Variants in NEBL observed in about 807,000 individuals in gnomAD.
NEBL encodes the protein LIM and SH3 protein 2.
In NEBL, 122 loss-of-function variants were observed where a neutral mutation model predicts 140.2. That is an observed-to-expected ratio of 0.87 (90% CI 0.75 to 1.01). NEBL has a LOEUF of 1.01. Ranked by LOEUF, NEBL falls within the 50% of genes least tolerant of loss-of-function variation. The pLI, the probability that NEBL is intolerant of heterozygous loss-of-function variation, is 0.00. For missense variants in NEBL, 1,365 were observed against 1,231.3 expected (o/e 1.11, Z -1.62); for synonymous variants, 436 against 398.9 (o/e 1.09, Z -1.11).
Position 20,813,968 on chromosome 10 carries a change from C to T in NEBL, c.2317G>A (p.Val773Ile), listed in dbSNP as rs1329973369. The T allele has an allele frequency of 2.5e-6, 4 of 1,607,510 alleles. No individual in the cohort carries two copies. Among genetic ancestry groups the T allele is most frequent in the South Asian group, 1.1e-5 (1 of 90,920 alleles). Residue 773 changes from valine (V) to isoleucine (I), a missense_variant, in exon 23 of 28, where the codon GTT becomes ATT. Val to Ile is a conservative substitution (Grantham distance 29, BLOSUM62 3). Coordinates refer to ENST00000377122, the MANE Select transcript of NEBL (RefSeq NM_006393.3). ...LILDTPAMRH[V>I]KEAQNHISMV... is the part of the protein sequence containing the mutation. ...GAAATATGATTTTGTGCTTCTTTAACATGTCTCATAGCAGGTGTATCTAAA... is the reference window on the plus strand; with the variant it reads ...GAAATATGATTTTGTGCTTCTTTAATATGTCTCATAGCAGGTGTATCTAAA...
At chr10:20,866,252 A>G (rs1323804952) in intron 7 of NEBL, among the ~76,000 whole-genome samples, 1 of 152,092 alleles carries the variant, frequency 6.6e-6, no homozygotes, top group Non-Finnish European at 1.5e-5. Flanking sequence ...ACGGGTATAG[A>G]GTTTCACTTT....
chr10:20,965,792 T>C (rs1836286550), intron 3 of NEBL, among the ~76,000 whole-genome samples: 1 of 152,188 alleles, frequency 6.6e-6, no homozygotes, highest in South Asian at 2.1e-4. Context: ...AGTCAGCCAC[T>C]GTCAGAGAAC....
chr10:21,278,956 C>T (rs1216870920), intron 1 of NEBL, among the ~76,000 whole-genome samples: 1 of 152,166 alleles, frequency 6.6e-6, no homozygotes, highest in Non-Finnish European at 1.5e-5. Flanking sequence ...AGGCCCTGCA[C>T]CTCCAGAATC....
At chr10:21,038,408 G>A (rs1834106112) in intron 2 of NEBL, among the ~76,000 whole-genome samples, 1 of 152,144 alleles carries the variant, frequency 6.6e-6, no homozygotes, top group Non-Finnish European at 1.5e-5. Context: ...TCTCCTCCCT[G>A]TGTCCATGTG....
At chr10:20,823,325 G>A (rs372684856) in intron 18 of NEBL, 25 bp from the exon 19 acceptor site, 41 of 1,502,624 alleles carry the variant, frequency 2.7e-5, no homozygotes, top group Admixed American at 1.2e-4. Flanking sequence ...AGAATATAAC[G>A]TTAACTTTAT....
At chr10:20,838,971 C>G (rs550395179) in intron 13 of NEBL, among the ~76,000 whole-genome samples, 1 of 152,088 alleles carries the variant, frequency 6.6e-6, no homozygotes, top group Non-Finnish European at 1.5e-5. Flanking sequence ...AAAGTTCATG[C>G]GAATCACTTT....
chr10:20,874,103 C>T (rs976969206), intron 5 of NEBL, among the ~76,000 whole-genome samples: 1 of 152,126 alleles, frequency 6.6e-6, no homozygotes, highest in African/African-American at 2.4e-5. Flanking sequence ...GAATTATTAC[C>T]TTATGTGCTT....
At chr10:20,978,966 G>A (rs542823669) in intron 3 of NEBL, among the ~76,000 whole-genome samples, 45 of 152,004 alleles carry the variant, frequency 3.0e-4, no homozygotes, top group Non-Finnish European at 3.7e-4. Flanking sequence ...GTCATATTAC[G>A]GCATCTTAGG....
At chr10:21,098,794 T>C (rs1837325933) in intron 2 of NEBL, among the ~76,000 whole-genome samples, 1 of 152,204 alleles carries the variant, frequency 6.6e-6, no homozygotes, top group Non-Finnish European at 1.5e-5. Context: ...ACTTGAACAG[T>C]TGTTTTGCCT....
chr10:20,942,308 T>C (rs1165443814), intron 4 of NEBL, among the ~76,000 whole-genome samples: 1 of 152,212 alleles, frequency 6.6e-6, no homozygotes, highest in African/African-American at 2.4e-5. Flanking sequence ...ATCTGTTCTT[T>C]GACAAACCTG....
chr10:21,261,572 G>T (rs575536745), intron 1 of NEBL, among the ~76,000 whole-genome samples: 3 of 151,688 alleles, frequency 2.0e-5, no homozygotes, highest in African/African-American at 7.3e-5. Context: ...GCTTAGGCCC[G>T]GGAGGCTGAG....
chr10:21,238,131 C>CA (rs979916642), intron 3 of NEBL, among the ~76,000 whole-genome samples: 3 of 152,138 alleles, frequency 2.0e-5, no homozygotes, highest in African/African-American at 7.2e-5. Flanking sequence ...GGGTGCAAAG[C>CA]AAAAATAGAG....
intron 1 of NEBL, among the ~76,000 whole-genome samples, chr10:21,172,794 G>T (rs1256452336): frequency 6.6e-6 from 1 of 152,270 alleles, no homozygotes; most frequent in South Asian, 2.1e-4. Flanking sequence ...GAAGAAACGG[G>T]GCCCAGAGAG....
At chr10:21,187,153 G>A (rs904835029) in intron 3 of NEBL, among the ~76,000 whole-genome samples, 1 of 152,008 alleles carries the variant, frequency 6.6e-6, no homozygotes, top group East Asian at 1.9e-4. Context: ...ACATGCACAC[G>A]TCTGAAAGGA....
At chr10:20,993,648 A>G (rs953978057) in intron 3 of NEBL, among the ~76,000 whole-genome samples, 1 of 152,204 alleles carries the variant, frequency 6.6e-6, no homozygotes, top group Non-Finnish European at 1.5e-5. Flanking sequence ...GACCTCTGCT[A>G]GTATCATGTT....
intron 2 of NEBL, chr10:21,029,149 G>A: frequency 7.5e-7 from 1 of 1,326,700 alleles, no homozygotes; most frequent in Admixed American, 1.7e-5. Flanking sequence ...GGAAGGAGAT[G>A]TTTCAACGAT....
upstream of NEBL, among the ~76,000 whole-genome samples, chr10:21,178,299 G>A (rs1841334581): frequency 6.6e-6 from 1 of 152,190 alleles, no homozygotes; most frequent in Admixed American, 6.5e-5. Flanking sequence ...CAGGATGTTA[G>A]GCACCAGGAA....
Position 20,841,045 on chromosome 10 carries a change from A to G in NEBL, c.1228-196T>C, listed in dbSNP as rs561574273. The stretch of plus-strand genomic sequence containing the variant: ...TACCAAGTTCAGAGTGGCTTCCAAT[A>G]TTTTCAGCCTTTTCCTTTTCATACT... On this transcript the variant is annotated intron_variant, in intron 12 of 27. Coordinates refer to ENST00000377122, the MANE Select transcript of NEBL (RefSeq NM_006393.3). 3.9e-5 allele frequency among the ~76,000 whole-genome samples: 6 copies of G among 151,918 alleles called. No homozygotes were observed. In the East Asian group the frequency reaches 1.2e-3, roughly 29 times the overall value.
chr10:21,012,292 G>A (rs974613277), intron 3 of NEBL, among the ~76,000 whole-genome samples: 11 of 152,154 alleles, frequency 7.2e-5, no homozygotes, highest in African/African-American at 2.7e-4. Flanking sequence ...GTGTGAAGCA[G>A]GATGGCAGAG....
Sources: allele counts gnomAD v4.1 joint callset (sites outside exome capture counted in the v4.1 genomes callset), GRCh38; gene constraint gnomAD v4.1.1; transcripts MANE v1.5; gene names NCBI Gene and HGNC (gene_info 2026-07-23, HGNC 2026-07-21).